NLGN1: variants seen among roughly 807,000 people sequenced by gnomAD.
NLGN1 encodes neuroligin-1.
Under a neutral mutation model 65.5 loss-of-function variants are expected in NLGN1, and 12 were observed. The observed-to-expected ratio is 0.18, with a 90% CI of 0.12 to 0.30. NLGN1 has a LOEUF of 0.30. NLGN1 is among the 10% of genes least tolerant of loss of function. The pLI is 1.00. For synonymous variants in NLGN1, 350 were observed against 359.5 expected (o/e 0.97, Z 0.30); for missense variants, 750 against 1,007.1 (o/e 0.74, Z 3.46).
intron 4 of NLGN1, among the ~76,000 whole-genome samples, chr3:174,200,577 T>C (rs570035728): frequency 1.3e-5 from 2 of 152,326 alleles, no homozygotes; most frequent in South Asian, 2.1e-4. Flanking sequence ...CAATAACTAG[T>C]ATCCAGAGTA....
At chr3:174,215,226 C>A (rs1264847658) in intron 4 of NLGN1, among the ~76,000 whole-genome samples, 1 of 152,060 alleles carries the variant, frequency 6.6e-6, no homozygotes, top group Non-Finnish European at 1.5e-5. Flanking sequence ...TCTTATACTG[C>A]AATTTATATT....
Position 174,023,784 on chromosome 3 carries a change from C to T in NLGN1, c.646+215952C>T, listed in dbSNP as rs573182466. On this transcript the variant is annotated intron_variant, in intron 4 of 6. Transcript: ENST00000457714. The stretch of plus-strand genomic sequence containing the variant: ...GGTAAGTTTGATTGAGCAAAAAAGT[C>T]ATGCTGACTGTGTGATGAAGAGGCA... Among the ~76,000 whole-genome samples the T allele has an allele frequency of 2.0e-4, 30 of 152,224 alleles. No individual in the cohort carries two copies. In the South Asian group the frequency reaches 6.2e-3, roughly 32 times the overall value.
chr3:173,923,768 T>A (rs1742498413), intron 4 of NLGN1, among the ~76,000 whole-genome samples: 1 of 152,166 alleles, frequency 6.6e-6, no homozygotes, highest in African/African-American at 2.4e-5. Flanking sequence ...AAACTCCTTT[T>A]ACAAGTCAGT....
chr3:173,428,774 A>G (rs1716631222), intron 1 of NLGN1, among the ~76,000 whole-genome samples: 3 of 151,664 alleles, frequency 2.0e-5, no homozygotes, highest in South Asian at 4.2e-4. Flanking sequence ...GCACATTAAC[A>G]TTCTTTTTTT....
chr3:173,893,797 C>A (rs1735815181), intron 4 of NLGN1, among the ~76,000 whole-genome samples: 1 of 152,142 alleles, frequency 6.6e-6, no homozygotes, highest in Non-Finnish European at 1.5e-5. Context: ...TTTTCCTCTG[C>A]TTAAAATTCT....
At chr3:174,200,837 C>T (rs1279822323) in intron 4 of NLGN1, among the ~76,000 whole-genome samples, 1 of 152,156 alleles carries the variant, frequency 6.6e-6, no homozygotes, top group East Asian at 1.9e-4. Context: ...AACCATCAGA[C>T]ACAACTATTC....
intron 4 of NLGN1, among the ~76,000 whole-genome samples, chr3:174,029,427 T>C (rs2152470417): frequency 6.6e-6 from 1 of 152,322 alleles, no homozygotes; most frequent in African/African-American, 2.4e-5. Flanking sequence ...GGCCAATTTC[T>C]CCTATTTGGA....
At chr3:173,635,498 G>A (rs539989905) in intron 3 of NLGN1, among the ~76,000 whole-genome samples, 3 of 152,086 alleles carry the variant, frequency 2.0e-5, no homozygotes, top group Admixed American at 6.5e-5. Flanking sequence ...TCTGTTTGTC[G>A]AAAGAGAAAA....
intron 4 of NLGN1, among the ~76,000 whole-genome samples, chr3:174,263,571 G>A (rs1276317967): frequency 6.6e-6 from 1 of 151,896 alleles, no homozygotes; most frequent in Non-Finnish European, 1.5e-5. Flanking sequence ...TTGAGCCTAT[G>A]TGTGTCTCTG....
rs141635581 is a variant in NLGN1 at position 173,743,144 on chromosome 3, C to A, written c.494-64536C>A. 2.2e-3 allele frequency among the ~76,000 whole-genome samples: 335 copies of A among 152,210 alleles called. 1 individual carries two copies. The highest frequency in any genetic ancestry group is 7.7e-3 in the African/African-American group (320 of 41,554). ...CTTGATGGAAGTTTTCTACTGTTGA[C>A]CCTTAAAGACTCATAATAAACTCAC... On this transcript the variant is annotated intron_variant, in intron 3 of 6. Coordinates refer to ENST00000457714, the Ensembl canonical transcript of NLGN1.
At chr3:173,586,981 A>C (rs1310709235) in intron 2 of NLGN1, among the ~76,000 whole-genome samples, 1 of 152,236 alleles carries the variant, frequency 6.6e-6, no homozygotes, top group Non-Finnish European at 1.5e-5. Context: ...ATAAGTAATG[A>C]AGGTGAGTGG....
intron 4 of NLGN1, among the ~76,000 whole-genome samples, chr3:174,138,677 G>A (rs6802017): frequency 0.2 from 30,079 of 151,494 alleles, 3,306 homozygotes; most frequent in African/African-American, 0.3. Flanking sequence ...CTCGTGATCC[G>A]CCCGCCTCGG....
At chr3:173,840,074 A>G (rs975832919) in intron 4 of NLGN1, among the ~76,000 whole-genome samples, 7 of 152,204 alleles carry the variant, frequency 4.6e-5, no homozygotes, top group Non-Finnish European at 8.8e-5. Flanking sequence ...CAAGGAACAC[A>G]TATGGCAATA....
chr3:173,857,433 T>C (rs1398444541), intron 4 of NLGN1, among the ~76,000 whole-genome samples: 1 of 152,120 alleles, frequency 6.6e-6, no homozygotes, highest in East Asian at 1.9e-4. Context: ...TGAGGTGTTA[T>C]CACTTTCTTT....
At chr3:173,442,696 GATTA>G (rs1438897409) in intron 2 of NLGN1, among the ~76,000 whole-genome samples, 2 of 152,078 alleles carry the variant, frequency 1.3e-5, no homozygotes, top group East Asian at 1.9e-4. Context: ...AAAGTTATTT[GATTA>G]ATTCTATTAA....
Position 174,074,224 on chromosome 3 carries a change from T to G in NLGN1, c.647-201091T>G, listed in dbSNP as rs150333929. On this transcript the variant is annotated intron_variant, in intron 4 of 6. Transcript: ENST00000457714. Reference sequence around the variant, plus strand: ...ACGTGTTTCTGTCTAAGACTGACTCTATATAAATACCTAGGAAAATTAAGA... The same window carrying G: ...ACGTGTTTCTGTCTAAGACTGACTCGATATAAATACCTAGGAAAATTAAGA... 2.0e-3 allele frequency among the ~76,000 whole-genome samples: 300 copies of G among 152,278 alleles called. 2 individuals carry two copies. The highest frequency in any genetic ancestry group is 3.1e-3 in the Admixed American group (48 of 15,282).
At chr3:174,136,116 A>G (rs1721160566) in intron 4 of NLGN1, among the ~76,000 whole-genome samples, 1 of 152,132 alleles carries the variant, frequency 6.6e-6, no homozygotes, top group South Asian at 2.1e-4. Context: ...CAAGATTGGA[A>G]CAGTCCTCAA....
At chr3:173,655,511 T>C (rs999868926) in intron 3 of NLGN1, among the ~76,000 whole-genome samples, 2 of 152,014 alleles carry the variant, frequency 1.3e-5, no homozygotes, top group African/African-American at 4.8e-5. Flanking sequence ...TTGAGCTACA[T>C]TTTTGGAAGC....
intron 4 of NLGN1, among the ~76,000 whole-genome samples, chr3:174,078,861 G>A (rs1161864478): frequency 6.6e-6 from 1 of 152,138 alleles, no homozygotes; most frequent in Non-Finnish European, 1.5e-5. Context: ...TTACTACTCT[G>A]GGAATATCTT....
Sources: gnomAD v4.1 joint callset for allele counts (sites outside exome capture counted in the v4.1 genomes callset) on GRCh38, gnomAD v4.1.1 for gene constraint, MANE v1.5 for transcripts, NCBI Gene and HGNC (gene_info 2026-07-23, HGNC 2026-07-21) for gene names.